Variants in CFAP263 observed in about 807,000 individuals in gnomAD.
CFAP263 encodes the protein cilia- and flagella-associated protein 263.
At chr16:58,253,873 T>C in the CFAP263 span, 3 of 958,666 alleles carry the variant, frequency 3.1e-6, no homozygotes, top group Non-Finnish European at 4.8e-6. Flanking sequence ...TTACCATGAA[T>C]TTGTTCTCCC....
At chr16:58,282,689 T>C in the CFAP263 span, 1 of 152,248 alleles carries the variant, frequency 6.6e-6, no homozygotes, top group Admixed American at 6.5e-5. Context: ...GACTTTTCAA[T>C]TGACTGGTGA....
the CFAP263 span, among the ~76,000 whole-genome samples, chr16:58,271,369 TAAC>T: frequency 6.6e-6 from 1 of 152,224 alleles, no homozygotes; most frequent in Non-Finnish European, 1.5e-5. Context: ...TCCCTTATTT[TAAC>T]CTCTTACATC....
At chr16:58,278,439 G>T in the CFAP263 span, 2 of 1,597,902 alleles carry the variant, frequency 1.3e-6, no homozygotes, top group African/African-American at 1.3e-5. Flanking sequence ...CAAAGCAAGA[G>T]CTGCTGGGGT....
At chr16:58,278,396 C>T in the CFAP263 span, 2 of 1,226,732 alleles carry the variant, frequency 1.6e-6, no homozygotes, top group Admixed American at 4.2e-5. Flanking sequence ...TCTATTGGAA[C>T]TATGGGGAGA....
chr16:58,253,439 G>T, the CFAP263 span, among the ~76,000 whole-genome samples: 1 of 151,972 alleles, frequency 6.6e-6, no homozygotes, highest in Non-Finnish European at 1.5e-5. Flanking sequence ...TGTTTACAAG[G>T]CCCAGCCAGC....
At chr16:58,254,090 G>T in the CFAP263 span, 1 of 1,614,222 alleles carries the variant, frequency 6.2e-7, no homozygotes, top group Non-Finnish European at 8.5e-7. Context: ...TACAAAAAGA[G>T]GTTGCGGACA....
At chr16:58,282,423 A>T in the CFAP263 span, 82 of 152,372 alleles carry the variant, frequency 5.4e-4, no homozygotes, top group African/African-American at 1.8e-3. Flanking sequence ...GGCATGAACT[A>T]CCATGCCCAG....
chr16:58,253,446 C>T, the CFAP263 span, among the ~76,000 whole-genome samples: 2 of 152,072 alleles, frequency 1.3e-5, no homozygotes, highest in African/African-American at 4.8e-5. Flanking sequence ...AAGGCCCAGC[C>T]AGCCACCTAA....
the CFAP263 span, chr16:58,250,216 C>A: frequency 1.6e-6 from 1 of 639,140 alleles, no homozygotes; most frequent in Non-Finnish European, 2.7e-6. Flanking sequence ...TCCAAGCCCT[C>A]ACTGAGCACT....
the CFAP263 span, among the ~76,000 whole-genome samples, chr16:58,255,123 G>A: frequency 6.6e-6 from 1 of 152,222 alleles, no homozygotes; most frequent in Admixed American, 6.5e-5. Context: ...AAGTCTGAAA[G>A]CTTCAAAACC....
the CFAP263 span, among the ~76,000 whole-genome samples, chr16:58,258,945 T>G: frequency 6.6e-6 from 1 of 151,732 alleles, no homozygotes; most frequent in African/African-American, 2.4e-5. Context: ...GCCACTGCAC[T>G]CCAGCCTGGG....
the CFAP263 span, among the ~76,000 whole-genome samples, chr16:58,264,489 G>A: frequency 6.6e-6 from 1 of 152,206 alleles, no homozygotes; most frequent in Non-Finnish European, 1.5e-5. Flanking sequence ...GGGAAATGGA[G>A]GCAGAACAAC....
the CFAP263 span, chr16:58,280,772 A>G: frequency 6.3e-7 from 1 of 1,584,268 alleles, no homozygotes; most frequent in East Asian, 2.3e-5. Context: ...GATAAAAGAC[A>G]GAAGGCTTCA....
At chr16:58,279,055 A>C in the CFAP263 span, among the ~76,000 whole-genome samples, 2 of 152,106 alleles carry the variant, frequency 1.3e-5, no homozygotes, top group Non-Finnish European at 2.9e-5. Flanking sequence ...CACAGTCGCC[A>C]TGGGTCTTTC....
the CFAP263 span, chr16:58,279,662 T>G: frequency 0.55 from 852,232 of 1,538,810 alleles, 239,451 homozygotes; most frequent in African/African-American, 0.74. Flanking sequence ...TTATCATTTT[T>G]TTTCTTTTTT....
chr16:58,250,386 AT>A, the CFAP263 span: 3 of 383,006 alleles, frequency 7.8e-6, no homozygotes, highest in Non-Finnish European at 9.4e-6. Flanking sequence ...AGTCTCTCTC[AT>A]GCCAGACGGT....
the CFAP263 span, among the ~76,000 whole-genome samples, chr16:58,261,907 G>A: frequency 6.6e-6 from 1 of 152,148 alleles, no homozygotes; most frequent in Non-Finnish European, 1.5e-5. Context: ...AAAGGAGGGG[G>A]AAATCGGTGG....
chr16:58,280,786 C>T, the CFAP263 span: 1 of 1,547,690 alleles, frequency 6.5e-7, no homozygotes, highest in Non-Finnish European at 8.7e-7. Context: ...GGCTTCAAGT[C>T]TTAGAAAAAC....
At chr16:58,268,614 T>C in the CFAP263 span, among the ~76,000 whole-genome samples, 1 of 152,214 alleles carries the variant, frequency 6.6e-6, no homozygotes, top group Admixed American at 6.5e-5. Context: ...ATTATTCACA[T>C]CTAAGTTTTG....
Sources: gnomAD v4.1 joint callset for allele counts (sites outside exome capture counted in the v4.1 genomes callset) on GRCh38, gnomAD v4.1.1 for gene constraint, MANE v1.5 for transcripts, NCBI Gene and HGNC (gene_info 2026-07-23, HGNC 2026-07-21) for gene names.